Variants in NBPF9 observed in about 807,000 individuals in gnomAD.
NBPF9 encodes NBPF member 9.
NBPF9 carries 91 observed loss-of-function variants against 97.8 expected under a neutral mutation model. The ratio of observed to expected loss-of-function variants is 0.93; its 90% CI spans 0.79 to 1.11. The LOEUF (loss-of-function observed/expected upper bound fraction) is 1.11. NBPF9 is among the 50% of genes least tolerant of loss of function. The pLI is 0.00. For missense variants in NBPF9, 992 were observed against 939.5 expected (o/e 1.06, Z -0.73); for synonymous variants, 334 against 359.5 (o/e 0.93, Z 0.80).
intron 8 of NBPF9, among the ~76,000 whole-genome samples, chr1:149,079,741 A>G (rs879132182): frequency 0.17 from 25,806 of 151,114 alleles, 2,239 homozygotes; most frequent in Admixed American, 0.22. Flanking sequence ...GTGGGGTGGC[A>G]ATAGCACACC....
Position 149,088,455 on chromosome 1 carries a change from C to T in NBPF9, c.-195+2298G>A, listed in dbSNP as rs1170617554. On this transcript the variant is annotated intron_variant, in intron 5 of 29. Transcript: ENST00000584027. The stretch of plus-strand genomic sequence containing the variant: ...TAATGCTGAATTAGAAGAGTAACAA[C>T]AGGTATTCTACTTTTTTCTCTGATT... Among the ~76,000 whole-genome samples, 17 of 152,164 alleles carry T rather than the reference C, an allele frequency of 1.1e-4. 1 individual carries two copies. Among genetic ancestry groups the T allele is most frequent in the Admixed American group, 2.6e-4 (4 of 15,282 alleles).
At chr1:149,078,864 C>T (rs2080140643) in intron 9 of NBPF9, 143 bp downstream of exon 9, 3 of 1,452,316 alleles carry the variant, frequency 2.1e-6, no homozygotes, top group African/African-American at 1.4e-5. Flanking sequence ...CTGTTCTTAC[C>T]CAGGAAGTCC....
exon 16 of NBPF9, chr1:149,071,028 T>A: frequency 6.2e-7 from 1 of 1,611,824 alleles, no homozygotes; most frequent in South Asian, 1.1e-5. Context: ...TGATTTTGGT[T>A]TTCCTATGTG....
intron 19 of NBPF9, 123 bp from the exon 20 acceptor site, chr1:149,063,928 G>C: frequency 3.0e-6 from 2 of 670,062 alleles, no homozygotes; most frequent in Non-Finnish European, 5.4e-6. Context: ...CCATTAATGA[G>C]GTAACAAATT....
exon 30 of NBPF9, chr1:149,055,254 A>C (rs1218022721): frequency 1.6e-5 from 5 of 312,850 alleles, no homozygotes; most frequent in African/African-American, 2.1e-5. Context: ...ACGAAGAATG[A>C]GGTTAGGTTC....
rs587698449 is a variant in NBPF9, at chr1:149,103,279, C to A, written c.-843+22G>T. On this transcript the variant is annotated intron_variant, in intron 1 of 29. Transcript: ENST00000584027. The stretch of plus-strand genomic sequence containing the variant: ...GCGGGTCCCGGACTCACCGCCCGCC[C>A]GGCCTGGCGCGGCGCCTTCACCTCG... 9 of 151,594 alleles carry A rather than the reference C, an allele frequency of 5.9e-5. No individual in the cohort carries two copies. In the East Asian group the frequency reaches 1.4e-3, roughly 24 times the overall value. 9.4% of individuals were successfully genotyped at this position (151,594 alleles called of 1,614,324 possible). A position where few individuals can be genotyped will look rare whatever the true frequency, so the allele number is the denominator to read the frequency against.
At chr1:149,052,436 CAG>C (rs1235672299), downstream of NBPF9, among the ~76,000 whole-genome samples, 1 of 151,204 alleles carries the variant, frequency 6.6e-6, no homozygotes, top group Non-Finnish European at 1.5e-5. Flanking sequence ...GGTTGTGTTC[CAG>C]AGAGTCTTTC....
chr1:149,062,848 T>G lies in NBPF9; in HGVS notation c.2078+14A>C. 1.5e-6 allele frequency: 1 copy of G among 665,184 alleles called. No homozygotes were observed. The highest frequency in any genetic ancestry group is 2.7e-6 in the Non-Finnish European group (1 of 374,898). 41.2% of individuals were successfully genotyped at this position (665,184 alleles called of 1,614,324 possible). ...TCAACACAGAATTAAGCATCCATAATTGCTCAAAGTTACCTGGGGCATGAT... is the reference window on the plus strand; with the variant it reads ...TCAACACAGAATTAAGCATCCATAAGTGCTCAAAGTTACCTGGGGCATGAT... On this transcript the variant is annotated intron_variant, in intron 21 of 29. Transcript: ENST00000584027.
At chr1:149,075,419 C>G (rs1553654040) in intron 12 of NBPF9, among the ~76,000 whole-genome samples, 1 of 152,214 alleles carries the variant, frequency 6.6e-6, no homozygotes, top group Non-Finnish European at 1.5e-5. Flanking sequence ...TGTCAGAAAT[C>G]AATAAATGGC....
intron 19 of NBPF9, among the ~76,000 whole-genome samples, chr1:149,064,009 C>T (rs1410061762): frequency 9.0e-6 from 1 of 111,382 alleles, no homozygotes; most frequent in African/African-American, 3.7e-5. Flanking sequence ...CACACACACA[C>T]AGACACAGAC....
intron 5 of NBPF9, among the ~76,000 whole-genome samples, chr1:149,086,379 A>G (rs2081004105): frequency 6.6e-6 from 1 of 150,888 alleles, no homozygotes; most frequent in Admixed American, 6.6e-5. Flanking sequence ...TTAAAGCATG[A>G]CGAAATAACG....
intron 1 of NBPF9, 39 bp from the exon 2 acceptor site, chr1:149,102,886 A>G (rs1291783472): frequency 2.0e-5 from 3 of 151,404 alleles, no homozygotes; most frequent in Non-Finnish European, 2.9e-5. Context: ...GGAGGCCAAT[A>G]AAGACCCCAA....
chr1:149,055,611 G>C, exon 30 of NBPF9: 1 of 1,611,044 alleles, frequency 6.2e-7, no homozygotes, highest in African/African-American at 1.3e-5. Flanking sequence ...CGTGCCTATA[G>C]GTCCTGCCTG....
intron 5 of NBPF9, among the ~76,000 whole-genome samples, chr1:149,083,242 G>T (rs2080683537): frequency 7.7e-6 from 1 of 129,872 alleles, no homozygotes; most frequent in African/African-American, 2.9e-5. Context: ...CCATTTTTCT[G>T]ATGGGAGACA....
intron 29 of NBPF9, among the ~76,000 whole-genome samples, chr1:149,056,132 T>A (rs1478564216): frequency 6.7e-6 from 1 of 150,090 alleles, no homozygotes; most frequent in Non-Finnish European, 1.5e-5. Context: ...AGAGAGAAAG[T>A]GAGCTAGTGA....
At chr1:149,058,758 C>A in intron 26 of NBPF9, 167 bp downstream of exon 26, 1 of 606,306 alleles carries the variant, frequency 1.6e-6, no homozygotes, top group Non-Finnish European at 2.9e-6. Context: ...CATTTCATGT[C>A]TAGGCTTCCA....
In NBPF9 at chr1:149,065,623, G is replaced by A. The variant is rs782383888; in HGVS notation, c.1704C>T (p.Pro568=). ...AGGCCAACATTTCAGGAGGAATTGA[G>A]GGAGTCGAATAACCTTCATCCCAGG... is the stretch of plus-strand genomic sequence containing the variant. Residue 568 remains proline, a synonymous_variant, in exon 18 of 30, where the codon CCC becomes CCT. Transcript: ENST00000584027. 11 of 1,603,164 alleles carry A rather than the reference G, an allele frequency of 6.9e-6. 1 individual carries two copies. The highest frequency in any genetic ancestry group is 6.7e-5 in the Admixed American group (4 of 59,614).
At chr1:149,058,357 T>G (rs1182757410) in intron 26 of NBPF9, 142 bp from the exon 27 acceptor site, 1 of 439,384 alleles carries the variant, frequency 2.3e-6, no homozygotes, top group East Asian at 7.6e-5. Flanking sequence ...TCAGGAGGCC[T>G]GAAAGCTGGT....
Position 149,070,926 on chromosome 1 carries a change from G to A in NBPF9, c.1585+8C>T. ...AGAGGTATGAGACACAAGGAAAACA[G>A]AGGCTACCTGGAATAATGTGTACAG... is the stretch of plus-strand genomic sequence containing the variant. On this transcript the variant is annotated splice_region_variant and intron_variant, in intron 16 of 29. Coordinates refer to ENST00000584027, the Ensembl canonical transcript of NBPF9. 6.2e-7 allele frequency: 1 copy of A among 1,612,280 alleles called. No individual in the cohort carries two copies. The highest frequency in any genetic ancestry group is 2.2e-5 in the East Asian group (1 of 44,854).
Sources: gnomAD v4.1 joint callset for allele counts (sites outside exome capture counted in the v4.1 genomes callset) on GRCh38, gnomAD v4.1.1 for gene constraint, MANE v1.5 for transcripts, NCBI Gene and HGNC (gene_info 2026-07-23, HGNC 2026-07-21) for gene names.